CHODL: variants seen among roughly 807,000 people sequenced by gnomAD.
CHODL encodes the protein chondrolectin.
A neutral mutation model predicts 34.5 loss-of-function variants in CHODL; 29 were observed. The observed-to-expected ratio is 0.84, with a 90% CI of 0.63 to 1.15. The LOEUF (loss-of-function observed/expected upper bound fraction) is 1.15. Among genes scored for constraint, CHODL ranks in the 50% most tolerant of loss-of-function variants. The pLI is 0.00. For synonymous variants in CHODL, 125 were observed against 116.1 expected (o/e 1.08, Z -0.49); for missense variants, 332 against 332.5 (o/e 1.00, Z 0.01).
At chr21:18,248,615 CATATATAAT>C (rs959305253) in intron 1 of CHODL, among the ~76,000 whole-genome samples, 9 of 117,832 alleles carry the variant, frequency 7.6e-5, no homozygotes, top group Non-Finnish European at 1.3e-4. Flanking sequence ...ATGTATAATA[CATATATAAT>C]ATATATAATA....
intron 2 of CHODL, among the ~76,000 whole-genome samples, chr21:18,193,469 G>T (rs970111739): frequency 4.6e-5 from 7 of 151,932 alleles, no homozygotes; most frequent in Admixed American, 2.6e-4. Flanking sequence ...GCTGAGGCGG[G>T]CGGATCACGA....
rs754057892 is a variant in CHODL at position 18,262,846 on chromosome 21, G to C, written c.690G>C (p.Leu230=). The C allele has an allele frequency of 6.2e-7, 1 of 1,611,144 alleles. No individual in the cohort carries two copies. Among genetic ancestry groups the C allele is most frequent in the South Asian group, 1.1e-5 (1 of 90,992 alleles). ...TACCAACAATACCCCTGCTCTTACT[G>C]ATACTGGTTGCTTTTGGAACCTGTT... ...VVIPTIPLLL[L]ILVAFGTCCF... The change falls in exon 5 of 6, where the codon CTG becomes CTC. Residue 230 remains leucine (L), a synonymous_variant. Coordinates refer to ENST00000299295, the MANE Select transcript of CHODL (RefSeq NM_024944.3).
At chr21:18,124,922 A>G (rs2065523569) in intron 2 of CHODL, among the ~76,000 whole-genome samples, 2 of 152,250 alleles carry the variant, frequency 1.3e-5, no homozygotes, top group African/African-American at 2.4e-5. Context: ...AGCAAGTTAA[A>G]TAAGTTAGCC....
At chr21:18,171,677 A>T (rs1437795613) in intron 2 of CHODL, among the ~76,000 whole-genome samples, 1 of 151,086 alleles carries the variant, frequency 6.6e-6, no homozygotes. Flanking sequence ...GGAAAATTGG[A>T]CATATTAGAT....
chr21:18,057,026 G>A (rs1254746157), intron 2 of CHODL, among the ~76,000 whole-genome samples: 1 of 152,074 alleles, frequency 6.6e-6, no homozygotes, highest in Admixed American at 6.6e-5. Context: ...GAGTTTTACT[G>A]TAGGATGATA....
chr21:18,005,709 T>G (rs2063953910), intron 1 of CHODL, among the ~76,000 whole-genome samples: 1 of 152,212 alleles, frequency 6.6e-6, no homozygotes, highest in South Asian at 2.1e-4. Flanking sequence ...TGGTTCCAGT[T>G]TGAGGAGCTA....
intron 1 of CHODL, among the ~76,000 whole-genome samples, chr21:17,920,691 A>G (rs1040634711): frequency 6.6e-6 from 1 of 152,218 alleles, no homozygotes; most frequent in African/African-American, 2.4e-5. Flanking sequence ...AATAAATGGT[A>G]GCTATTATTA....
At chr21:18,139,674 T>C (rs1242058551) in intron 2 of CHODL, among the ~76,000 whole-genome samples, 2 of 152,100 alleles carry the variant, frequency 1.3e-5, no homozygotes, top group Admixed American at 1.3e-4. Context: ...GAGAGCTAAA[T>C]AAAACAACAT....
At chr21:17,974,187 C>G (rs944748602) in intron 1 of CHODL, among the ~76,000 whole-genome samples, 1 of 152,150 alleles carries the variant, frequency 6.6e-6, no homozygotes, top group African/African-American at 2.4e-5. Flanking sequence ...ACCAAAATGA[C>G]ATTGATAATA....
At chr21:17,954,130 A>G (rs1014281081) in intron 1 of CHODL, among the ~76,000 whole-genome samples, 1 of 152,250 alleles carries the variant, frequency 6.6e-6, no homozygotes, top group Non-Finnish European at 1.5e-5. Context: ...TGTTGTGGCC[A>G]TAATATCAGA....
At chr21:18,196,598 A>C (rs1380458962) in intron 2 of CHODL, among the ~76,000 whole-genome samples, 1 of 152,214 alleles carries the variant, frequency 6.6e-6, no homozygotes, top group Non-Finnish European at 1.5e-5. Flanking sequence ...TTGTTTAGAG[A>C]AATACAAATA....
At chr21:17,989,264 T>C (rs1793097477) in intron 1 of CHODL, among the ~76,000 whole-genome samples, 1 of 152,220 alleles carries the variant, frequency 6.6e-6, no homozygotes, top group African/African-American at 2.4e-5. Flanking sequence ...TGGCTCTCTT[T>C]GAGTCCTTCA....
chr21:18,178,673 G>A (rs1263439583), intron 2 of CHODL, among the ~76,000 whole-genome samples: 1 of 152,184 alleles, frequency 6.6e-6, no homozygotes, highest in Non-Finnish European at 1.5e-5. Context: ...AAGTGGAAGT[G>A]AGTCATCCTA....
intron 1 of CHODL, among the ~76,000 whole-genome samples, chr21:18,027,283 A>G (rs1370918078): frequency 6.6e-6 from 1 of 152,064 alleles, no homozygotes; most frequent in Non-Finnish European, 1.5e-5. Context: ...CTAAAAAGCA[A>G]TCGTAACAAT....
chr21:18,119,740 G>T (rs908010809), intron 2 of CHODL, among the ~76,000 whole-genome samples: 3 of 152,040 alleles, frequency 2.0e-5, no homozygotes, highest in African/African-American at 7.2e-5. Context: ...AAGTAGGGAT[G>T]GAAATAAATA....
chr21:18,256,557 C>T lies in CHODL; in HGVS notation c.128C>T (p.Ala43Val). Residue 43 changes from alanine to valine, a missense_variant, in exon 2 of 6, where the codon GCC becomes GTC. By Grantham distance (64) the Ala-to-Val change is moderately conservative. Coordinates refer to ENST00000299295, the MANE Select transcript of CHODL (RefSeq NM_024944.3). ...ADFKHPCYKM[A>V]YFHELSSRVS... The stretch of plus-strand genomic sequence containing the variant: ...TTCAAGCATCCCTGCTACAAAATGG[C>T]CTACTTCCATGAACTGTCCAGCCGA... The T allele has an allele frequency of 6.2e-7, 1 of 1,613,520 alleles. No homozygotes were observed. The highest frequency in any genetic ancestry group is 1.7e-5 in the Admixed American group (1 of 59,922).
chr21:17,919,028 C>T (rs1052717510), intron 1 of CHODL, among the ~76,000 whole-genome samples: 13 of 152,246 alleles, frequency 8.5e-5, no homozygotes, highest in South Asian at 2.1e-4. Context: ...GAGAGGTGGG[C>T]TCCCATCCCC....
chr21:18,237,055 G>A (rs1312408262), intron 2 of CHODL, among the ~76,000 whole-genome samples: 1 of 152,036 alleles, frequency 6.6e-6, no homozygotes, highest in Non-Finnish European at 1.5e-5. Context: ...AAAAATCAGA[G>A]CAAGAAAATT....
At chr21:18,156,125 G>C (rs2073031356) in intron 2 of CHODL, among the ~76,000 whole-genome samples, 1 of 152,172 alleles carries the variant, frequency 6.6e-6, no homozygotes, top group Non-Finnish European at 1.5e-5. Flanking sequence ...AAAGTGACTT[G>C]CCCTACCTGG....
Sources: allele counts gnomAD v4.1 joint callset (sites outside exome capture counted in the v4.1 genomes callset), GRCh38; gene constraint gnomAD v4.1.1; transcripts MANE v1.5; gene names NCBI Gene and HGNC (gene_info 2026-07-23, HGNC 2026-07-21).